The following ARHGDIG variants were observed in gnomAD, a reference collection of about 807,000 sequenced individuals.
The protein encoded by ARHGDIG is Rho GDP dissociation inhibitor gamma.
In ARHGDIG, 14 loss-of-function variants were observed where a neutral mutation model predicts 20.2. The observed-to-expected ratio is 0.69, with a 90% CI of 0.46 to 1.08. The LOEUF is 1.08. Among genes scored for constraint, ARHGDIG ranks in the 50% least tolerant of loss-of-function variants. ARHGDIG has a pLI of 0.00. For synonymous variants in ARHGDIG, 193 were observed against 138.6 expected (o/e 1.39, Z -2.76); for missense variants, 311 against 301.8 (o/e 1.03, Z -0.23).
Position 280,647 on chromosome 16 carries a change from C to T in ARHGDIG, c.-34C>T. ...GGCGGCGGGGCGGGCGGCGGCTCCT[C>T]GGCGGCTCCGCGGCGCCCGGGCCGC... On this transcript the variant is annotated 5_prime_UTR_variant, in exon 1 of 6. Coordinates refer to ENST00000219409, the MANE Select transcript of ARHGDIG (RefSeq NM_001176.4). This position sits in a 1 kb window ranked among gnomAD's most constrained non-coding sequence, Gnocchi z 6.6. 5 of 844,484 alleles carry T rather than the reference C, an allele frequency of 5.9e-6. No individual in the cohort carries two copies. Among genetic ancestry groups the T allele is most frequent in the Non-Finnish European group, 6.6e-6 (5 of 760,264 alleles). 52.3% of individuals were successfully genotyped at this position (844,484 alleles called of 1,614,324 possible).
chr16:282,607 C>T lies in ARHGDIG; in HGVS notation c.479-8C>T, dbSNP rs765842218. ...AGAGGACAGCTCTGATGCCCTCGCC[C>T]TCCCTAGTGGACAAGACCGTCTACA... On this transcript the variant is annotated splice_region_variant and splice_polypyrimidine_tract_variant and intron_variant, in intron 5 of 5. Coordinates refer to ENST00000219409, the MANE Select transcript of ARHGDIG (RefSeq NM_001176.4). 1.9e-6 allele frequency: 3 copies of T among 1,590,938 alleles called. No homozygotes were observed. Among genetic ancestry groups the T allele is most frequent in the Non-Finnish European group, 2.6e-6 (3 of 1,169,314 alleles).
chr16:281,615 T>A (rs895433108), intron 1 of ARHGDIG, 131 bp from the exon 2 acceptor site: 1 of 1,119,226 alleles, frequency 8.9e-7, no homozygotes, highest in African/African-American at 1.6e-5. Context: ...GCTCTCTCCC[T>A]GAGCCCCCAG....
At position 281,858 on chromosome 16, in the gene ARHGDIG, G is replaced by A. The variant is rs2052288536; in HGVS notation, c.186G>A (p.Leu62=). ...AGAGCCTCTTGGAGATCCGGCAGCT[G>A]GACCCGGACGACAGGAGCCTGGCCA... is the stretch of plus-strand genomic sequence containing the variant. ...GRKSLLEIRQ[L]DPDDRSLAKY... The change falls in exon 2 of 6, where the codon CTG becomes CTA. Residue 62 remains leucine, a synonymous_variant. Coordinates refer to ENST00000219409, the MANE Select transcript of ARHGDIG (RefSeq NM_001176.4). 6.2e-7 allele frequency: 1 copy of A among 1,611,266 alleles called. No individual in the cohort carries two copies. Among genetic ancestry groups the A allele is most frequent in the Non-Finnish European group, 8.5e-7 (1 of 1,179,836 alleles).
chr16:282,106 C>T lies in ARHGDIG; in HGVS notation c.335C>T (p.Thr112Ile). 1 of 1,612,890 alleles carries T rather than the reference C, an allele frequency of 6.2e-7. No homozygotes were observed. The highest frequency in any genetic ancestry group is 8.5e-7 in the Non-Finnish European group (1 of 1,179,938). ...QAPGPVVMDL[T>I]GDLAVLKDQV... is the part of the protein sequence containing the mutation. ...CCGGGGCCCGTCGTCATGGATCTCA[C>T]AGGTAACTCGCAGGATGCTGCACCC... Residue 112 changes from threonine to isoleucine, a missense_variant and splice_region_variant, in exon 3 of 6, where the codon ACA (threonine) becomes ATA (isoleucine). Thr to Ile is a moderately conservative substitution (Grantham distance 89). Coordinates refer to ENST00000219409, the MANE Select transcript of ARHGDIG (RefSeq NM_001176.4).
At chr16:282,403 T>C in intron 4 of ARHGDIG, 30 bp downstream of exon 4, 1 of 1,008,270 alleles carries the variant, frequency 9.9e-7, no homozygotes, top group South Asian at 1.3e-5. Flanking sequence ...GCGGAGGGGA[T>C]GGGGGTGGGG....
At position 282,916 on chromosome 16, in the gene ARHGDIG, C is replaced by T; in HGVS notation, c.*102C>T. ...GTGACCAGACCCTCCCCTGCTGCCC[C>T]TGCTGCCCCTGCTGCCCCTGCTCTG... On this transcript the variant is annotated 3_prime_UTR_variant, in exon 6 of 6. Transcript: ENST00000219409. The T allele has an allele frequency of 8.5e-7, 1 of 1,172,886 alleles. No individual in the cohort carries two copies. The highest frequency in any genetic ancestry group is 1.2e-6 in the Non-Finnish European group (1 of 853,480). The allele number at this position is 1,172,886 out of a possible 1,614,324, so 72.7% of individuals were successfully genotyped here.
At chr16:282,566 G>A (rs1391596136) in intron 5 of ARHGDIG, 36 bp downstream of exon 5, 1 of 1,501,012 alleles carries the variant, frequency 6.7e-7, no homozygotes, top group Non-Finnish European at 9.0e-7. Flanking sequence ...GGCGGGGGGG[G>A]GAAGCGGGGG....
At position 282,203 on chromosome 16, in the gene ARHGDIG, C is replaced by T. The variant is rs539290566; in HGVS notation, c.338-94C>T. ...TCCGAGCCCTGGGCCATCACAGTCG[C>T]ACACCTCATGGGTACCACACCCTAC... is the stretch of plus-strand genomic sequence containing the variant. On this transcript the variant is annotated intron_variant, in intron 3 of 5. Transcript: ENST00000219409. 61 of 1,604,734 alleles carry T rather than the reference C, an allele frequency of 3.8e-5. No homozygotes were observed. In the East Asian group the frequency reaches 1.4e-3, roughly 36 times the overall value.
intron 2 of ARHGDIG, 29 bp downstream of exon 2, chr16:281,954 TG>T: frequency 7.5e-7 from 1 of 1,327,634 alleles, no homozygotes; most frequent in Non-Finnish European, 1.0e-6. Context: ...CTTGGAGGGC[TG>T]GGTCTGGGGG....
Sources: gnomAD v4.1 joint callset for allele counts on GRCh38, gnomAD v4.1.1 for gene constraint, Gnocchi (gnomAD v3.1) non-coding constraint, MANE v1.5 for transcripts, NCBI Gene and HGNC (gene_info 2026-07-23, HGNC 2026-07-21) for gene names.